The following SLC6A9 variants were observed in gnomAD, a reference collection of about 807,000 sequenced individuals.
The protein encoded by SLC6A9 is sodium- and chloride-dependent glycine transporter 1.
Under a neutral mutation model 70.9 loss-of-function variants are expected in SLC6A9, and 31 were observed. The observed-to-expected ratio is 0.44, with a 90% CI of 0.33 to 0.59. SLC6A9 has a LOEUF of 0.59. Ranked by LOEUF, SLC6A9 falls within the 20% of genes least tolerant of loss-of-function variation. The pLI is 0.04. For synonymous variants in SLC6A9, 310 were observed against 341.3 expected, an observed-to-expected ratio of 0.91 and a Z score of 1.01; for missense variants, 631 against 845.2, an observed-to-expected ratio of 0.75 and a Z score of 3.14.
intron 8 of SLC6A9, 91 bp from the exon 9 acceptor site, chr1:44,001,718 C>A (rs1056053938): frequency 1.4e-5 from 13 of 924,154 alleles, no homozygotes; most frequent in Admixed American, 8.7e-5. Context: ...GGTACAAAGG[C>A]ACCCCCAACT....
intron 5 of SLC6A9, among the ~76,000 whole-genome samples, chr1:44,007,204 C>G (rs2086350053): frequency 1.3e-5 from 2 of 152,190 alleles, no homozygotes; most frequent in African/African-American, 4.8e-5. Context: ...AGCACTACCT[C>G]TTTGTGTCTC....
chr1:44,008,269 C>A, intron 5 of SLC6A9, 84 bp downstream of exon 5: 1 of 1,402,640 alleles, frequency 7.1e-7, no homozygotes, highest in African/African-American at 1.4e-5. Flanking sequence ...GCAGCAGGCA[C>A]CCTACTTTGT....
intron 4 of SLC6A9, 87 bp from the exon 5 acceptor site, chr1:44,008,710 C>CA: frequency 2.4e-6 from 2 of 845,432 alleles, no homozygotes; most frequent in Non-Finnish European, 3.4e-6. Context: ...CTTTTCTTTT[C>CA]TTTTTTTTTT....
In SLC6A9 at chr1:44,009,876, A is replaced by C; in HGVS notation, c.319+89T>G. ...CATCAGGGCTCTACAGAGGTCAGCC[A>C]TGTTTGTACAGATGGGCGAGTTGGC... On this transcript the variant is annotated intron_variant, in intron 4 of 13. Transcript: ENST00000372310. 7 of 1,490,088 alleles carry C rather than the reference A, an allele frequency of 4.7e-6. No homozygotes were observed. In the South Asian group the frequency reaches 8.8e-5, roughly 19 times the overall value. 92.3% of individuals were successfully genotyped at this position (1,490,088 alleles called of 1,614,324 possible). A position where few individuals can be genotyped will look rare whatever the true frequency, so the allele number is the denominator to read the frequency against.
chr1:44,012,145 C>T (rs933284831), intron 2 of SLC6A9, among the ~76,000 whole-genome samples: 1 of 152,242 alleles, frequency 6.6e-6, no homozygotes, highest in African/African-American at 2.4e-5. Context: ...TGACATTCAC[C>T]CTCCGCTTGA....
At chr1:44,025,675 C>A (rs1312972956) in intron 1 of SLC6A9, among the ~76,000 whole-genome samples, 1 of 151,924 alleles carries the variant, frequency 6.6e-6, no homozygotes, top group African/African-American at 2.4e-5. Context: ...TGGCAGGTGC[C>A]TGTAATCCCA....
chr1:44,002,483 GC>G lies in SLC6A9; in HGVS notation c.858+28del. The G allele has an allele frequency of 3.1e-6, 5 of 1,613,922 alleles. No individual in the cohort carries two copies. The highest frequency in any genetic ancestry group is 4.2e-6 in the Non-Finnish European group (5 of 1,179,876). ...CAGGCACCTCCCTGGCCCCTCCCCA[GC>G]CCCCTTCCGGTTTCCCTCACTTCCC... On this transcript the variant is annotated intron_variant, in intron 7 of 13. Coordinates refer to ENST00000372310, the MANE Select transcript of SLC6A9 (RefSeq NM_001024845.3). The surrounding 1 kb of genome is among the most constrained non-coding windows in gnomAD (Gnocchi z 5.5).
chr1:44,018,157 T>C lies in SLC6A9; in HGVS notation c.30+6091A>G, dbSNP rs2086808472. 6.6e-6 allele frequency among the ~76,000 whole-genome samples: 1 copy of C among 152,216 alleles called. No individual in the cohort carries two copies. Among genetic ancestry groups the C allele is most frequent in the Non-Finnish European group, 1.5e-5 (1 of 68,032 alleles). ...TGGTCAGTCAGCAGAAGGCCTGGCTTACCACAGGACCTCAGGAAATATCAG... is the reference window on the plus strand; with the variant it reads ...TGGTCAGTCAGCAGAAGGCCTGGCTCACCACAGGACCTCAGGAAATATCAG... On this transcript the variant is annotated intron_variant, in intron 2 of 13. Transcript: ENST00000372310. This position sits in a 1 kb window ranked among gnomAD's most constrained non-coding sequence, Gnocchi z 4.2.
At chr1:44,007,469 G>T (rs1209869430) in intron 5 of SLC6A9, among the ~76,000 whole-genome samples, 1 of 152,206 alleles carries the variant, frequency 6.6e-6, no homozygotes, top group Non-Finnish European at 1.5e-5. Flanking sequence ...GTGGGTGGAG[G>T]GCACAGCAGG....
intron 2 of SLC6A9, among the ~76,000 whole-genome samples, chr1:44,021,189 G>A (rs1198866812): frequency 6.6e-6 from 1 of 152,170 alleles, no homozygotes; most frequent in Non-Finnish European, 1.5e-5. Context: ...CGTGTATGAG[G>A]CCCTAGGTCT....
chr1:44,022,722 C>CTTTTTTTTTTTTTTTTTTTTTTTTT (rs71307650), intron 2 of SLC6A9, among the ~76,000 whole-genome samples: 1 of 118,954 alleles, frequency 8.4e-6, no homozygotes, highest in Non-Finnish European at 1.7e-5. Flanking sequence ...TTCTTTCTTT[C>CTTTTTTTTTTTTTTTTTTTTTTTTT]TTTTTTTTTT....
chr1:44,001,779 G>C (rs1237110101), intron 8 of SLC6A9, 152 bp from the exon 9 acceptor site: 2 of 662,552 alleles, frequency 3.0e-6, no homozygotes, highest in Non-Finnish European at 5.4e-6. Flanking sequence ...CCAGGATGGA[G>C]TGCAATGGCG....
rs145643665 is a variant in SLC6A9, at chr1:44,020,495, C to T, written c.30+3753G>A. 4.9e-4 allele frequency among the ~76,000 whole-genome samples: 74 copies of T among 152,302 alleles called. 1 individual carries two copies. The East Asian group carries it at 0.012, about 25-fold the overall frequency. ...TGGCAGTGTGCTAGATGAATGCCTA[C>T]AGGGTGACAGGCTGTCTTCTAAGGG... On this transcript the variant is annotated intron_variant, in intron 2 of 13. Transcript: ENST00000372310.
At chr1:44,021,561 T>C (rs1250318350) in intron 2 of SLC6A9, among the ~76,000 whole-genome samples, 1 of 152,104 alleles carries the variant, frequency 6.6e-6, no homozygotes, top group East Asian at 1.9e-4. Context: ...GAAGTGAGGA[T>C]CCCATGGTAG....
intron 2 of SLC6A9, 21 bp downstream of exon 2, chr1:44,024,227 C>G: frequency 6.2e-7 from 1 of 1,613,532 alleles, no homozygotes; most frequent in African/African-American, 1.3e-5. Context: ...TTCCTTCCCG[C>G]AGTCTGGCCT....
In SLC6A9 at chr1:44,025,471, G is replaced by A. The variant is rs145676822; in HGVS notation, c.-85-1109C>T. On this transcript the variant is annotated intron_variant, in intron 1 of 13. Transcript: ENST00000372310. ...TGCCTCATTGCACTCCAGCCTGGGC[G>A]ACAGAGCAAGGTTCCGTCTCAAAAA... Among the ~76,000 whole-genome samples the A allele has an allele frequency of 2.0e-3, 303 of 147,870 alleles. 5 individuals carry two copies. The highest frequency in any genetic ancestry group is 7.2e-3 in the African/African-American group (285 of 39,532).
intron 2 of SLC6A9, chr1:44,011,550 G>T (rs1389068232): frequency 1.9e-6 from 3 of 1,612,918 alleles, no homozygotes; most frequent in Admixed American, 1.7e-5. Context: ...GAGGGGCCCT[G>T]GGGAGCTGAC....
chr1:44,002,775 C>T lies in SLC6A9; in HGVS notation c.723+78G>A. ...CCGGAGTCCCTTCAGCATCCCCTCC[C>T]TGCAATACACACATAACCCAGGTAG... On this transcript the variant is annotated intron_variant, in intron 6 of 13. Coordinates refer to ENST00000372310, the MANE Select transcript of SLC6A9 (RefSeq NM_001024845.3). The surrounding 1 kb of genome is among the most constrained non-coding windows in gnomAD (Gnocchi z 5.5). 6.3e-7 allele frequency: 1 copy of T among 1,598,632 alleles called. No individual in the cohort carries two copies. Among genetic ancestry groups the T allele is most frequent in the South Asian group, 1.1e-5 (1 of 90,342 alleles).
chr1:44,030,792 C>T (rs1259527936), intron 1 of SLC6A9, among the ~76,000 whole-genome samples: 1 of 152,208 alleles, frequency 6.6e-6, no homozygotes, highest in African/African-American at 2.4e-5. Flanking sequence ...GCCAGATAGG[C>T]AGCCAGGCTG....
Sources: gnomAD v4.1 joint callset for allele counts (sites outside exome capture counted in the v4.1 genomes callset) on GRCh38, gnomAD v4.1.1 for gene constraint, Gnocchi (gnomAD v3.1) non-coding constraint, MANE v1.5 for transcripts, NCBI Gene and HGNC (gene_info 2026-07-23, HGNC 2026-07-21) for gene names.